SMYD3: variants seen among roughly 807,000 people sequenced by gnomAD.
SMYD3 encodes SET and MYND domain containing 3.
In SMYD3, 36 loss-of-function variants were observed where a neutral mutation model predicts 57.7. That is an observed-to-expected ratio of 0.62 (90% CI 0.48 to 0.82). SMYD3 has a LOEUF of 0.82. Among genes scored for constraint, SMYD3 ranks in the 40% least tolerant of loss-of-function variants. SMYD3 has a pLI of 0.00. For synonymous variants in SMYD3, 211 were observed against 195.0 expected (o/e 1.08, Z -0.68); for missense variants, 515 against 538.8 (o/e 0.96, Z 0.44).
At chr1:246,371,224 A>C (rs556237005) in intron 1 of SMYD3, among the ~76,000 whole-genome samples, 1 of 152,348 alleles carries the variant, frequency 6.6e-6, no homozygotes, top group South Asian at 2.1e-4. Context: ...TGCCTGTTGT[A>C]AGTCACTCGG....
intron 1 of SMYD3, among the ~76,000 whole-genome samples, chr1:246,368,641 G>C (rs1248836147): frequency 1.3e-5 from 2 of 152,194 alleles, no homozygotes; most frequent in African/African-American, 4.8e-5. Flanking sequence ...ATGTCTATGA[G>C]GTTGTGGCCA....
At chr1:246,300,328 A>G (rs1006774531) in intron 5 of SMYD3, among the ~76,000 whole-genome samples, 8 of 152,210 alleles carry the variant, frequency 5.3e-5, no homozygotes, top group African/African-American at 1.9e-4. Context: ...CATGTATTAT[A>G]GACAATGGCT....
At chr1:246,168,803 C>G (rs182468385) in intron 5 of SMYD3, among the ~76,000 whole-genome samples, 1 of 152,122 alleles carries the variant, frequency 6.6e-6, no homozygotes, top group Non-Finnish European at 1.5e-5. Context: ...ACAAGTCTAC[C>G]TTGCTGCCAA....
chr1:246,244,864 T>C (rs1230878286), intron 5 of SMYD3, among the ~76,000 whole-genome samples: 1 of 152,128 alleles, frequency 6.6e-6, no homozygotes, highest in Non-Finnish European at 1.5e-5. Context: ...ATGAATTGGG[T>C]TTATATGGAC....
At chr1:246,415,337 C>A (rs59844066) in intron 1 of SMYD3, among the ~76,000 whole-genome samples, 1 of 152,084 alleles carries the variant, frequency 6.6e-6, no homozygotes, top group East Asian at 1.9e-4. Flanking sequence ...GCTCACCCCC[C>A]ACTTCTAATA....
intron 1 of SMYD3, among the ~76,000 whole-genome samples, chr1:246,441,714 C>T (rs1441919730): frequency 6.6e-6 from 1 of 152,182 alleles, no homozygotes; most frequent in Admixed American, 6.5e-5. Flanking sequence ...TGGGTTCAAA[C>T]GGTTCTCCTG....
intron 5 of SMYD3, among the ~76,000 whole-genome samples, chr1:246,214,021 C>G (rs1426932089): frequency 6.6e-6 from 1 of 152,126 alleles, no homozygotes; most frequent in African/African-American, 2.4e-5. Context: ...CACCAACAGG[C>G]AAAAGATGGT....
intron 8 of SMYD3, among the ~76,000 whole-genome samples, chr1:245,886,583 C>G (rs1253063540): frequency 6.6e-6 from 1 of 152,052 alleles, no homozygotes; most frequent in Non-Finnish European, 1.5e-5. Context: ...TGCCATATCC[C>G]CGGGTATTAA....
At chr1:245,853,853 C>CA (rs1187599240) in intron 10 of SMYD3, among the ~76,000 whole-genome samples, 2 of 152,148 alleles carry the variant, frequency 1.3e-5, no homozygotes, top group Non-Finnish European at 2.9e-5. Context: ...ATTATACTTC[C>CA]ACTCTCTCCA....
In SMYD3 at chr1:246,290,782, T is replaced by C. The variant is rs557938934; in HGVS notation, c.531+36419A>G. ...CCCAGCTGGTGGAAAAAAATCTAGCTTCCTTCTGAACTAAACACACATAAT... is the reference window on the plus strand; with the variant it reads ...CCCAGCTGGTGGAAAAAAATCTAGCCTCCTTCTGAACTAAACACACATAAT... On this transcript the variant is annotated intron_variant, in intron 5 of 11. Coordinates refer to ENST00000490107, the MANE Select transcript of SMYD3 (RefSeq NM_001167740.2). Among the ~76,000 whole-genome samples, 22 of 152,278 alleles carry C rather than the reference T, an allele frequency of 1.4e-4. No homozygotes were observed. In the East Asian group the frequency reaches 3.9e-3, roughly 27 times the overall value.
chr1:246,005,299 C>A (rs1027880040), intron 5 of SMYD3, among the ~76,000 whole-genome samples: 2 of 152,244 alleles, frequency 1.3e-5, no homozygotes, highest in African/African-American at 4.8e-5. Flanking sequence ...TATGACTCAG[C>A]AGACAAGTAT....
At chr1:246,191,918 C>A (rs886499107) in intron 5 of SMYD3, among the ~76,000 whole-genome samples, 1 of 152,172 alleles carries the variant, frequency 6.6e-6, no homozygotes, top group African/African-American at 2.4e-5. Flanking sequence ...CTTCAGCAAT[C>A]GGTTATTCTG....
chr1:246,184,007 G>A (rs185351771), intron 5 of SMYD3, among the ~76,000 whole-genome samples: 267 of 152,292 alleles, frequency 1.8e-3, no homozygotes, highest in Non-Finnish European at 2.9e-3. Context: ...AAGTAAAGCC[G>A]AAGGGCTTGA....
At chr1:246,291,569 G>C (rs2064691818) in intron 5 of SMYD3, among the ~76,000 whole-genome samples, 1 of 152,162 alleles carries the variant, frequency 6.6e-6, no homozygotes, top group South Asian at 2.1e-4. Flanking sequence ...GAAGTGATTT[G>C]CCGTCACTTT....
intron 10 of SMYD3, among the ~76,000 whole-genome samples, chr1:245,777,912 A>C (rs1455357667): frequency 6.6e-6 from 1 of 152,172 alleles, no homozygotes; most frequent in Non-Finnish European, 1.5e-5. Context: ...ATTATTTAAA[A>C]TGTTCAGTTC....
intron 10 of SMYD3, among the ~76,000 whole-genome samples, chr1:245,818,529 A>C (rs1194875713): frequency 3.3e-5 from 5 of 152,164 alleles, no homozygotes; most frequent in African/African-American, 9.7e-5. Context: ...GACAGGATCA[A>C]ATTCACACAT....
At chr1:245,763,993 G>GA (rs749357325) in intron 11 of SMYD3, 48 bp downstream of exon 11, 2 of 1,449,372 alleles carry the variant, frequency 1.4e-6, no homozygotes, top group South Asian at 1.1e-5. Flanking sequence ...AGCAACAGCA[G>GA]AAAAAAAGGA....
At chr1:246,438,823 A>G (rs2067420123) in intron 1 of SMYD3, among the ~76,000 whole-genome samples, 1 of 151,192 alleles carries the variant, frequency 6.6e-6, no homozygotes, top group Non-Finnish European at 1.5e-5. Context: ...ATACTGTGAG[A>G]TCTAGTGTGC....
At chr1:245,779,176 A>AAAAAAG (rs1553319529) in intron 10 of SMYD3, among the ~76,000 whole-genome samples, 26 of 143,706 alleles carry the variant, frequency 1.8e-4, no homozygotes, top group South Asian at 4.5e-4. Context: ...AAAAAAAAAA[A>AAAAAAG]AAAAAGAAAA....
Sources: allele counts gnomAD v4.1 joint callset (sites outside exome capture counted in the v4.1 genomes callset), GRCh38; gene constraint gnomAD v4.1.1; transcripts MANE v1.5; gene names NCBI Gene and HGNC (gene_info 2026-07-23, HGNC 2026-07-21).